Variants in SGCZ observed in about 807,000 individuals in gnomAD.
SGCZ encodes the protein zeta-sarcoglycan.
In SGCZ, 40 loss-of-function variants were observed where a neutral mutation model predicts 41.3. That is an observed-to-expected ratio of 0.97 (90% CI 0.75 to 1.26). SGCZ has a LOEUF of 1.26. SGCZ is among the 50% of genes most tolerant of loss of function. The pLI, the probability that SGCZ is intolerant of heterozygous loss-of-function variation, is 0.00. For synonymous variants in SGCZ, 206 were observed against 137.5 expected (o/e 1.50, Z -3.49); for missense variants, 552 against 369.8 (o/e 1.49, Z -4.04).
chr8:14,377,292 C>A (rs1177166108), intron 2 of SGCZ, among the ~76,000 whole-genome samples: 1 of 152,020 alleles, frequency 6.6e-6, no homozygotes, highest in Admixed American at 6.6e-5. Context: ...CATTGGTGAA[C>A]ACATGGAGGT....
intron 1 of SGCZ, among the ~76,000 whole-genome samples, chr8:14,837,337 C>T (rs114814081): frequency 1.3e-5 from 2 of 152,298 alleles, no homozygotes; most frequent in South Asian, 2.1e-4. Context: ...CAAAGGGAAT[C>T]GCAAATGAGA....
chr8:14,193,637 C>T (rs1805176441), intron 4 of SGCZ, among the ~76,000 whole-genome samples: 1 of 152,010 alleles, frequency 6.6e-6, no homozygotes, highest in African/African-American at 2.4e-5. Flanking sequence ...TGAAAACTTT[C>T]CACTGTTCTT....
At chr8:14,766,301 A>C (rs540743427) in intron 1 of SGCZ, among the ~76,000 whole-genome samples, 16 of 152,188 alleles carry the variant, frequency 1.1e-4, no homozygotes, top group Middle Eastern at 3.4e-3. Context: ...AATATGCAAA[A>C]ATAAAAATAT....
chr8:14,589,642 G>A lies in SGCZ; in HGVS notation c.40-34716C>T, dbSNP rs182227507. 2.1e-3 allele frequency among the ~76,000 whole-genome samples: 315 copies of A among 151,922 alleles called. 2 individuals carry two copies. The highest frequency in any genetic ancestry group is 9.7e-4 in the Non-Finnish European group (66 of 67,958). On this transcript the variant is annotated intron_variant, in intron 1 of 7. Coordinates refer to ENST00000382080, the MANE Select transcript of SGCZ (RefSeq NM_139167.4). The stretch of plus-strand genomic sequence containing the variant: ...CTAATCTAAACTTTATTATTATTAC[G>A]CATAATATTCATAGTTGCATTTAAT...
intron 1 of SGCZ, among the ~76,000 whole-genome samples, chr8:14,966,010 T>A (rs1290953484): frequency 6.6e-6 from 1 of 152,122 alleles, no homozygotes; most frequent in East Asian, 1.9e-4. Flanking sequence ...GTAATAGTCT[T>A]ATTGCTTTTA....
At chr8:14,159,991 A>T (rs908146239) in intron 5 of SGCZ, among the ~76,000 whole-genome samples, 1 of 152,190 alleles carries the variant, frequency 6.6e-6, no homozygotes, top group Admixed American at 6.5e-5. Flanking sequence ...CCAAGCATTC[A>T]ATTAGAACGG....
intron 2 of SGCZ, among the ~76,000 whole-genome samples, chr8:14,550,725 A>G (rs1164172723): frequency 2.0e-5 from 3 of 151,980 alleles, no homozygotes; most frequent in Non-Finnish European, 4.4e-5. Context: ...CTTGCCATCA[A>G]TTCTTCCCAA....
At chr8:14,544,707 G>A (rs773331163) in intron 2 of SGCZ, among the ~76,000 whole-genome samples, 8 of 152,038 alleles carry the variant, frequency 5.3e-5, no homozygotes, top group South Asian at 2.1e-4. Context: ...GTGCTCGACC[G>A]GTTCTCTGCT....
chr8:14,641,391 G>C (rs1038648441), intron 1 of SGCZ, among the ~76,000 whole-genome samples: 1 of 151,654 alleles, frequency 6.6e-6, no homozygotes, highest in Non-Finnish European at 1.5e-5. Context: ...AATGTTTGTA[G>C]AAAAAATCGT....
At chr8:15,160,544 A>G (rs561448107) in intron 1 of SGCZ, among the ~76,000 whole-genome samples, 39 of 152,316 alleles carry the variant, frequency 2.6e-4, no homozygotes, top group Middle Eastern at 6.8e-3. Context: ...ATTTTGAAAG[A>G]AGGAAAAGTA....
intron 2 of SGCZ, among the ~76,000 whole-genome samples, chr8:14,479,251 G>T (rs28654784): frequency 0.074 from 11,038 of 149,498 alleles, 1,157 homozygotes; most frequent in African/African-American, 0.24. Flanking sequence ...ACTGTTGTAG[G>T]TCCAAGAGTC....
Position 14,089,025 on chromosome 8 carries a change from A to G in SGCZ, c.*1418T>C, listed in dbSNP as rs1157209523. Among the ~76,000 whole-genome samples, 1 of 151,982 alleles carries G rather than the reference A, an allele frequency of 6.6e-6. No individual in the cohort carries two copies. The highest frequency in any genetic ancestry group is 2.4e-5 in the African/African-American group (1 of 41,444). The stretch of plus-strand genomic sequence containing the variant: ...TATAGTAATTAAGTCATCTTCCCAT[A>G]ATAGGAAATACTTAATACAGTTTTA... On this transcript the variant is annotated 3_prime_UTR_variant, in exon 8 of 8. Coordinates refer to ENST00000382080, the MANE Select transcript of SGCZ (RefSeq NM_139167.4).
intron 1 of SGCZ, among the ~76,000 whole-genome samples, chr8:15,082,649 C>G (rs1805798195): frequency 6.6e-6 from 1 of 152,068 alleles, no homozygotes; most frequent in African/African-American, 2.4e-5. Context: ...GAACTGGAAG[C>G]AGGAATGACA....
intron 2 of SGCZ, among the ~76,000 whole-genome samples, chr8:14,544,402 G>A (rs1398563777): frequency 1.3e-5 from 2 of 152,056 alleles, no homozygotes; most frequent in Non-Finnish European, 2.9e-5. Flanking sequence ...AACAAGGGAA[G>A]ACAACCATAA....
At chr8:15,076,383 G>A (rs746067639) in intron 1 of SGCZ, among the ~76,000 whole-genome samples, 6 of 152,108 alleles carry the variant, frequency 3.9e-5, no homozygotes, top group Non-Finnish European at 5.9e-5. Flanking sequence ...ATGGGAGAGA[G>A]AAAAGGAGAG....
chr8:14,373,745 T>C (rs1803999379), intron 2 of SGCZ, among the ~76,000 whole-genome samples: 1 of 152,026 alleles, frequency 6.6e-6, no homozygotes. Flanking sequence ...AAGATTGAGA[T>C]GAGAGGAATT....
chr8:14,608,304 T>C (rs1805817681), intron 1 of SGCZ, among the ~76,000 whole-genome samples: 1 of 151,958 alleles, frequency 6.6e-6, no homozygotes, highest in African/African-American at 2.4e-5. Context: ...ATTTGTTTGT[T>C]TTGAATTACT....
At chr8:14,844,116 T>C (rs1054301652) in intron 1 of SGCZ, among the ~76,000 whole-genome samples, 5 of 152,040 alleles carry the variant, frequency 3.3e-5, no homozygotes, top group Admixed American at 3.3e-4. Context: ...CCTCCATGTA[T>C]ACTGTACCAA....
At chr8:15,233,342 A>AG (rs1030665871) in intron 1 of SGCZ, among the ~76,000 whole-genome samples, 1 of 151,464 alleles carries the variant, frequency 6.6e-6, no homozygotes, top group Non-Finnish European at 1.5e-5. Flanking sequence ...AAAAAAAAAA[A>AG]AAAGAAAGAA....
Sources: allele counts gnomAD v4.1 joint callset (sites outside exome capture counted in the v4.1 genomes callset), GRCh38; gene constraint gnomAD v4.1.1; transcripts MANE v1.5; gene names NCBI Gene and HGNC (gene_info 2026-07-23, HGNC 2026-07-21).